ZNF722: variants seen among roughly 807,000 people sequenced by gnomAD.
ZNF722 encodes the protein zinc finger protein 722.
the ZNF722 span, chr7:64,015,286 G>T: frequency 2.4e-6 from 3 of 1,246,180 alleles, no homozygotes; most frequent in Non-Finnish European, 3.5e-6. Flanking sequence ...AATTGCAATA[G>T]ACATGAAACA....
At chr7:64,011,292 T>C in the ZNF722 span, among the ~76,000 whole-genome samples, 4 of 152,152 alleles carry the variant, frequency 2.6e-5, no homozygotes, top group African/African-American at 7.2e-5. Context: ...TCCCATCATA[T>C]GATGTTAGCT....
chr7:64,007,548 G>C, the ZNF722 span, among the ~76,000 whole-genome samples: 5 of 151,946 alleles, frequency 3.3e-5, no homozygotes, highest in Admixed American at 6.6e-5. Flanking sequence ...AGCTTCATCC[G>C]TGTCCATACA....
the ZNF722 span, among the ~76,000 whole-genome samples, chr7:64,011,233 C>T: frequency 6.6e-6 from 1 of 152,072 alleles, no homozygotes; most frequent in Non-Finnish European, 1.5e-5. Flanking sequence ...TTAATTGGGG[C>T]ATTTGGCTTA....
chr7:64,015,932 C>A, the ZNF722 span: 1 of 1,421,632 alleles, frequency 7.0e-7, no homozygotes, highest in Admixed American at 1.9e-5. Context: ...GTGGCAAATT[C>A]TAGCCCTCAG....
chr7:64,004,410 T>TAAAAAAAA, the ZNF722 span, among the ~76,000 whole-genome samples: 38 of 35,248 alleles, frequency 1.1e-3, no homozygotes, highest in East Asian at 4.1e-3. Context: ...CTCTGTCTCT[T>TAAAAAAAA]AAAAAAAAAA....
the ZNF722 span, among the ~76,000 whole-genome samples, chr7:64,006,892 C>T: frequency 2.6e-5 from 4 of 151,402 alleles, no homozygotes; most frequent in East Asian, 7.8e-4. Context: ...GATATGCAAG[C>T]AGGATATTTC....
chr7:64,013,593 C>A, the ZNF722 span, among the ~76,000 whole-genome samples: 2 of 151,744 alleles, frequency 1.3e-5, no homozygotes, highest in South Asian at 4.2e-4. Context: ...ATTGATATTG[C>A]TAATTGTATA....
the ZNF722 span, among the ~76,000 whole-genome samples, chr7:64,017,351 T>C: frequency 0.71 from 107,165 of 151,596 alleles, 38,489 homozygotes; most frequent in Non-Finnish European, 0.77. Flanking sequence ...GCTGCTACAC[T>C]GCAGCCTGGG....
At chr7:64,009,551 T>C in the ZNF722 span, among the ~76,000 whole-genome samples, 1 of 152,216 alleles carries the variant, frequency 6.6e-6, no homozygotes, top group Non-Finnish European at 1.5e-5. Context: ...CGTTTATTGA[T>C]TTGTGTATGT....
the ZNF722 span, among the ~76,000 whole-genome samples, chr7:64,004,433 T>A: frequency 0.038 from 4,143 of 110,388 alleles, 211 homozygotes; most frequent in East Asian, 0.16. Flanking sequence ...AAAATATATA[T>A]ATATATATAT....
chr7:63,999,576 G>A, the ZNF722 span, among the ~76,000 whole-genome samples: 1 of 152,168 alleles, frequency 6.6e-6, no homozygotes, highest in Admixed American at 6.5e-5. Context: ...CAGTTATGTA[G>A]TTTCCTTATT....
the ZNF722 span, among the ~76,000 whole-genome samples, chr7:64,002,949 A>G: frequency 2.0e-5 from 3 of 152,202 alleles, no homozygotes; most frequent in African/African-American, 7.2e-5. Flanking sequence ...CGCTAATGCT[A>G]ATAATGTGTC....
chr7:64,002,476 G>A, the ZNF722 span, among the ~76,000 whole-genome samples: 9 of 152,168 alleles, frequency 5.9e-5, no homozygotes, highest in South Asian at 2.1e-4. Context: ...TAGCCATTTC[G>A]AAGCTGATTA....
the ZNF722 span, among the ~76,000 whole-genome samples, chr7:64,016,828 A>G: frequency 6.6e-5 from 10 of 152,182 alleles, no homozygotes; most frequent in Non-Finnish European, 1.3e-4. Context: ...AAAAAAGGGA[A>G]ATCATACTGG....
the ZNF722 span, chr7:64,016,017 A>G: frequency 3.2e-5 from 26 of 825,014 alleles, no homozygotes; most frequent in South Asian, 5.2e-4. Context: ...AACCTTTAAC[A>G]AGTTCCAAAC....
At chr7:64,005,542 A>G in the ZNF722 span, 1 of 705,534 alleles carries the variant, frequency 1.4e-6, no homozygotes, top group Non-Finnish European at 2.5e-6. Flanking sequence ...GTCAAATACA[A>G]ATCTCTGCCT....
the ZNF722 span, chr7:64,015,453 A>G: frequency 1.9e-6 from 3 of 1,607,746 alleles, no homozygotes; most frequent in Non-Finnish European, 2.6e-6. Flanking sequence ...AAACTGTACT[A>G]CACATAAAAG....
chr7:64,015,403 A>G, the ZNF722 span: 12 of 1,554,596 alleles, frequency 7.7e-6, no homozygotes, highest in East Asian at 2.3e-5. Flanking sequence ...GAGAAGTCCT[A>G]CAAATGTGAA....
the ZNF722 span, among the ~76,000 whole-genome samples, chr7:64,017,816 G>C: frequency 6.6e-6 from 1 of 152,144 alleles, no homozygotes. Context: ...TTTCAAAGAA[G>C]TAGTTTTTTT....
Sources: gnomAD v4.1 joint callset for allele counts (sites outside exome capture counted in the v4.1 genomes callset) on GRCh38, gnomAD v4.1.1 for gene constraint, MANE v1.5 for transcripts, NCBI Gene and HGNC (gene_info 2026-07-23, HGNC 2026-07-21) for gene names.